The following PRR7 variants were observed in gnomAD, a reference collection of about 807,000 sequenced individuals.
The protein encoded by PRR7 is proline-rich protein 7.
PRR7 carries 8 observed loss-of-function variants against 18.5 expected under a neutral mutation model. The observed-to-expected ratio is 0.43, with a 90% CI of 0.25 to 0.78. The LOEUF is 0.78. Ranked by LOEUF, PRR7 falls within the 30% of genes least tolerant of loss-of-function variation. The pLI, the probability that PRR7 is intolerant of heterozygous loss-of-function variation, is 0.22. For missense variants in PRR7, 396 were observed against 403.1 expected (o/e 0.98, Z 0.15); for synonymous variants, 221 against 187.7 (o/e 1.18, Z -1.45).
chr5:177,450,813 C>T lies in PRR7; in HGVS notation c.-324-3143C>T, dbSNP rs1431465525. Among the ~76,000 whole-genome samples, 2 of 152,194 alleles carry T rather than the reference C, an allele frequency of 1.3e-5. No homozygotes were observed. Among genetic ancestry groups the T allele is most frequent in the African/African-American group, 2.4e-5 (1 of 41,446 alleles). On this transcript the variant is annotated intron_variant, in intron 1 of 3. Coordinates refer to ENST00000323249, the MANE Select transcript of PRR7 (RefSeq NM_030567.5). The surrounding 1 kb of genome is among the most constrained non-coding windows in gnomAD (Gnocchi z 6.6). ...TGGAAATTTGTTTAAAATGCAAACT[C>T]GGGCCCCATCCTAGACCTACTGAAT...
Position 177,455,266 on chromosome 5 carries a change from G to A in PRR7, c.199G>A (p.Gly67Arg), listed in dbSNP as rs912933731. The A allele has an allele frequency of 2.1e-5, 32 of 1,529,912 alleles. No individual in the cohort carries two copies. Among genetic ancestry groups the A allele is most frequent in the Non-Finnish European group, 2.8e-5 (32 of 1,147,214 alleles). The allele number at this position is 1,529,912 out of a possible 1,614,324, so 94.8% of individuals were successfully genotyped here. ...EPLELEGSLAGSPPGLAPPQP... is the reference protein window; with the variant it reads ...EPLELEGSLARSPPGLAPPQP... ...CCTCGAACTCGAGGGCAGTCTGGCCGGGAGCCCCCCGGGCCTGGCGCCGCC... is the reference window on the plus strand; with the variant it reads ...CCTCGAACTCGAGGGCAGTCTGGCCAGGAGCCCCCCGGGCCTGGCGCCGCC... The change falls in exon 3 of 4, where the codon GGG becomes AGG. Residue 67 changes from glycine to arginine, a missense_variant. By Grantham distance (125) the Gly-to-Arg change is moderately radical. Transcript: ENST00000323249. The surrounding 1 kb of genome is among the most constrained non-coding windows in gnomAD (Gnocchi z 6.9).
intron 1 of PRR7, among the ~76,000 whole-genome samples, chr5:177,448,566 C>A (rs1756024512): frequency 6.6e-6 from 1 of 152,214 alleles, no homozygotes; most frequent in South Asian, 2.1e-4. Context: ...TAGCTAACTT[C>A]TCTTGTAACC....
chr5:177,456,100 C>T lies in PRR7; in HGVS notation c.804C>T (p.Phe268=). ...AWRLPVSIPL[F]GRTTAV is the part of the protein sequence containing the mutation. ...GTCTGCCGGTCTCCATCCCCTTGTT[C>T]GGGAGGACTACAGCCGTATAGAGGG... The change falls in exon 4 of 4, where the codon TTC becomes TTT. Residue 268 remains phenylalanine, a synonymous_variant. Coordinates refer to ENST00000323249, the MANE Select transcript of PRR7 (RefSeq NM_030567.5). 1 of 1,501,736 alleles carries T rather than the reference C, an allele frequency of 6.7e-7. No individual in the cohort carries two copies. Among genetic ancestry groups the T allele is most frequent in the Middle Eastern group, 2.3e-4 (1 of 4,414 alleles). 93.0% of individuals were successfully genotyped at this position (1,501,736 alleles called of 1,614,324 possible).
chr5:177,450,286 C>T lies in PRR7; in HGVS notation c.-325+3326C>T, dbSNP rs926886338. Among the ~76,000 whole-genome samples the T allele has an allele frequency of 3.3e-5, 5 of 152,136 alleles. No homozygotes were observed. Among genetic ancestry groups the T allele is most frequent in the Middle Eastern group, 3.2e-3 (1 of 316 alleles). ...CTCAAGTCCAGGTGTGACCCAGTGC[C>T]CCTGCTGCCCGGGATTTTCCATCCC... On this transcript the variant is annotated intron_variant, in intron 1 of 3. Transcript: ENST00000323249. The surrounding 1 kb of genome is among the most constrained non-coding windows in gnomAD (Gnocchi z 6.6).
At position 177,449,253 on chromosome 5, in the gene PRR7, G is replaced by A. The variant is rs1048461953; in HGVS notation, c.-325+2293G>A. 6.6e-6 allele frequency among the ~76,000 whole-genome samples: 1 copy of A among 152,232 alleles called. No individual in the cohort carries two copies. The highest frequency in any genetic ancestry group is 1.5e-5 in the Non-Finnish European group (1 of 68,036). ...ACCTCTGGTCCGTGGGAAAGGGACC[G>A]CAGGTTTTGCTGGGCCGCCTCCAGG... is the stretch of plus-strand genomic sequence containing the variant. On this transcript the variant is annotated intron_variant, in intron 1 of 3. Coordinates refer to ENST00000323249, the MANE Select transcript of PRR7 (RefSeq NM_030567.5). The surrounding 1 kb of genome is among the most constrained non-coding windows in gnomAD (Gnocchi z 4.2).
In PRR7 at chr5:177,446,850, T is replaced by G. The variant is rs1452680002; in HGVS notation, c.-435T>G. On this transcript the variant is annotated 5_prime_UTR_variant, in exon 1 of 4. Transcript: ENST00000323249. This position sits in a 1 kb window ranked among gnomAD's most constrained non-coding sequence, Gnocchi z 5.3. ...CGGAGCCGCTTTCGCTGCCACTGTCTGCTCCCCCGGGCCGCCGCCGCCTCC... is the reference window on the plus strand; with the variant it reads ...CGGAGCCGCTTTCGCTGCCACTGTCGGCTCCCCCGGGCCGCCGCCGCCTCC... 3 of 151,634 alleles carry G rather than the reference T, an allele frequency of 2.0e-5. No individual in the cohort carries two copies. The highest frequency in any genetic ancestry group is 7.3e-5 in the African/African-American group (3 of 41,340). The allele number at this position is 151,634 out of a possible 1,614,324, so 9.4% of individuals were successfully genotyped here. A position where few individuals can be genotyped will look rare whatever the true frequency, so the allele number is the denominator to read the frequency against.
In PRR7 at chr5:177,456,130, CCGGCG is replaced by C. The variant is rs1178116180; in HGVS notation, c.*11_*15del. ...GGACTACAGCCGTATAGAGGGGCGC[CCGGCG>C]CCCCGGGCCCCACCGGCGGACTCCT... On this transcript the variant is annotated 3_prime_UTR_variant, in exon 4 of 4. Transcript: ENST00000323249. The C allele has an allele frequency of 7.0e-7, 1 of 1,423,060 alleles. No individual in the cohort carries two copies. The highest frequency in any genetic ancestry group is 1.5e-5 in the South Asian group (1 of 66,216). The allele number at this position is 1,423,060 out of a possible 1,614,324, so 88.2% of individuals were successfully genotyped here. A position where few individuals can be genotyped will look rare whatever the true frequency, so the allele number is the denominator to read the frequency against.
rs758970251 is a variant in PRR7 at position 177,456,149 on chromosome 5, C to G, written c.*28C>G. The G allele has an allele frequency of 6.7e-5, 95 of 1,419,176 alleles. No individual in the cohort carries two copies. The highest frequency in any genetic ancestry group is 8.4e-5 in the Non-Finnish European group (92 of 1,093,592). The allele number at this position is 1,419,176 out of a possible 1,614,324, so 87.9% of individuals were successfully genotyped here. A position where few individuals can be genotyped will look rare whatever the true frequency, so the allele number is the denominator to read the frequency against. On this transcript the variant is annotated 3_prime_UTR_variant, in exon 4 of 4. Coordinates refer to ENST00000323249, the MANE Select transcript of PRR7 (RefSeq NM_030567.5). ...GGGCGCCCGGCGCCCCGGGCCCCAC[C>G]GGCGGACTCCTGGCCTGACTGCGGG...
chr5:177,447,240 G>A (rs1008073919), intron 1 of PRR7, among the ~76,000 whole-genome samples: 2 of 152,090 alleles, frequency 1.3e-5, no homozygotes, highest in African/African-American at 4.8e-5. Flanking sequence ...CGACTGCGGG[G>A]CGGCGACGCC....
In PRR7 at chr5:177,456,011, G is replaced by A; in HGVS notation, c.715G>A (p.Val239Ile). The A allele has an allele frequency of 1.9e-6, 3 of 1,580,932 alleles. No homozygotes were observed. The highest frequency in any genetic ancestry group is 2.3e-5 in the East Asian group (1 of 43,488). ...CCTGCAGGCCGACCGTGGCCGCCGG[G>A]TCTTCCCCAGCTGGACCGACTCAGA... Reference protein sequence around the residue: ...LCLQADRGRRVFPSWTDSELS... With the variant: ...LCLQADRGRRIFPSWTDSELS... Residue 239 changes from valine to isoleucine, a missense_variant, in exon 4 of 4, where the codon GTC becomes ATC. This residue lies in a region of PRR7 where 383 missense variants were observed against 372.6 expected (regional missense o/e 1.03). Coordinates refer to ENST00000323249, the MANE Select transcript of PRR7 (RefSeq NM_030567.5).
Position 177,456,210 on chromosome 5 carries a change from CG to C in PRR7, c.*95del. 2.6e-6 allele frequency: 3 copies of C among 1,156,488 alleles called. No individual in the cohort carries two copies. Among genetic ancestry groups the C allele is most frequent in the Non-Finnish European group, 3.3e-6 (3 of 897,946 alleles). The allele number at this position is 1,156,488 out of a possible 1,614,324, so 71.6% of individuals were successfully genotyped here. A position where few individuals can be genotyped will look rare whatever the true frequency, so the allele number is the denominator to read the frequency against. On this transcript the variant is annotated 3_prime_UTR_variant, in exon 4 of 4. Coordinates refer to ENST00000323249, the MANE Select transcript of PRR7 (RefSeq NM_030567.5). Reference sequence around the variant, plus strand: ...TGCTTCCCTGGACTGCGGGGAGGGGCGGGGGGAGGGAGGGATTTCTTATCCC... The same window carrying C: ...TGCTTCCCTGGACTGCGGGGAGGGGCGGGGGAGGGAGGGATTTCTTATCCC...
At chr5:177,448,788 C>T (rs534119602) in intron 1 of PRR7, among the ~76,000 whole-genome samples, 5 of 152,372 alleles carry the variant, frequency 3.3e-5, no homozygotes, top group African/African-American at 1.2e-4. Context: ...CAGCAAAGGG[C>T]TGCCTCAGTC....
At chr5:177,446,276 G>C (rs1171030682), upstream of PRR7, 6 of 152,360 alleles carry the variant, frequency 3.9e-5, no homozygotes, top group African/African-American at 1.4e-4. The surrounding 1 kb of genome is among the most constrained non-coding windows in gnomAD (Gnocchi z 5.3). Flanking sequence ...CAGGGCTGTG[G>C]GTTCGGCACT....
rs918571572 is a variant in PRR7 at position 177,449,239 on chromosome 5, G to A, written c.-325+2279G>A. 3.3e-5 allele frequency among the ~76,000 whole-genome samples: 5 copies of A among 152,264 alleles called. No homozygotes were observed. The highest frequency in any genetic ancestry group is 7.2e-5 in the African/African-American group (3 of 41,472). On this transcript the variant is annotated intron_variant, in intron 1 of 3. Coordinates refer to ENST00000323249, the MANE Select transcript of PRR7 (RefSeq NM_030567.5). This position sits in a 1 kb window ranked among gnomAD's most constrained non-coding sequence, Gnocchi z 4.2. The stretch of plus-strand genomic sequence containing the variant: ...GTCCTGTGTCTGAGACCTCTGGTCC[G>A]TGGGAAAGGGACCGCAGGTTTTGCT...
chr5:177,446,181 C>T (rs1052283887), upstream of PRR7: 2 of 152,168 alleles, frequency 1.3e-5, no homozygotes, highest in African/African-American at 4.8e-5. This position sits in a 1 kb window ranked among gnomAD's most constrained non-coding sequence, Gnocchi z 5.3. Flanking sequence ...CCTCTGCAAG[C>T]TTGGACCTCG....
chr5:177,452,346 C>CA (rs1756200222), intron 1 of PRR7, among the ~76,000 whole-genome samples: 1 of 152,172 alleles, frequency 6.6e-6, no homozygotes, highest in Admixed American at 6.5e-5. Context: ...GAAAGGCTCC[C>CA]AGACAAGGGC....
chr5:177,447,796 A>G (rs1554101153), intron 1 of PRR7: 1 of 152,276 alleles, frequency 6.6e-6, no homozygotes, highest in Non-Finnish European at 1.5e-5. Context: ...AGCAGAGGAA[A>G]GGATATTGCT....
In PRR7 at chr5:177,456,164, C is replaced by T. The variant is rs1310581620; in HGVS notation, c.*43C>T. The T allele has an allele frequency of 2.1e-6, 3 of 1,407,750 alleles. No individual in the cohort carries two copies. The highest frequency in any genetic ancestry group is 2.8e-6 in the Non-Finnish European group (3 of 1,087,342). 87.2% of individuals were successfully genotyped at this position (1,407,750 alleles called of 1,614,324 possible). ...CGGGCCCCACCGGCGGACTCCTGGC[C>T]TGACTGCGGGGCTTTTTAAATGCTT... On this transcript the variant is annotated 3_prime_UTR_variant, in exon 4 of 4. Transcript: ENST00000323249.
rs1301972636 is a variant in PRR7 at position 177,449,806 on chromosome 5, A to G, written c.-325+2846A>G. On this transcript the variant is annotated intron_variant, in intron 1 of 3. Transcript: ENST00000323249. This position sits in a 1 kb window ranked among gnomAD's most constrained non-coding sequence, Gnocchi z 4.2. ...GCTTGGTGTCAGGGTTAGGTCATCT[A>G]CCTGCAAGCAAGGGTGCTTGCCACT... is the stretch of plus-strand genomic sequence containing the variant. 1.3e-5 allele frequency among the ~76,000 whole-genome samples: 2 copies of G among 151,940 alleles called. No individual in the cohort carries two copies. Among genetic ancestry groups the G allele is most frequent in the East Asian group, 3.9e-4 (2 of 5,172 alleles).
Sources: gnomAD v4.1 joint callset for allele counts (sites outside exome capture counted in the v4.1 genomes callset) on GRCh38, gnomAD v4.1.1 for gene constraint, gnomAD v4.1.1 regional missense constraint, Gnocchi (gnomAD v3.1) non-coding constraint, MANE v1.5 for transcripts, NCBI Gene and HGNC (gene_info 2026-07-23, HGNC 2026-07-21) for gene names.